NOL10: variants seen among roughly 807,000 people sequenced by gnomAD.
NOL10 encodes the protein H_NH0074G24.1.
NOL10 carries 58 observed loss-of-function variants against 103.5 expected under a neutral mutation model. That is an observed-to-expected ratio of 0.56 (90% CI 0.45 to 0.70). The LOEUF is 0.70. NOL10 is among the 30% of genes least tolerant of loss of function. NOL10 has a pLI of 0.00. For missense variants in NOL10, 763 were observed against 807.3 expected, an observed-to-expected ratio of 0.95 and a Z score of 0.67; for synonymous variants, 287 against 282.5, an observed-to-expected ratio of 1.02 and a Z score of -0.16.
At chr2:10,592,454 C>T (rs1481773837) in intron 17 of NOL10, among the ~76,000 whole-genome samples, 3 of 152,088 alleles carry the variant, frequency 2.0e-5, no homozygotes, top group South Asian at 2.1e-4. Context: ...AGACGGACAC[C>T]ACTAGGTGTC....
chr2:10,589,309 A>G lies in NOL10; in HGVS notation c.1597-19T>C. 1 of 1,611,738 alleles carries G rather than the reference A, an allele frequency of 6.2e-7. No individual in the cohort carries two copies. The highest frequency in any genetic ancestry group is 8.5e-7 in the Non-Finnish European group (1 of 1,179,576). On this transcript the variant is annotated intron_variant, in intron 18 of 20. Transcript: ENST00000381685. Reference sequence around the variant, plus strand: ...CCTCTTCCTGAGAATAAAAATAGTAAGCAGCAACTCCTTTCCCCCAGTCAA... The same window carrying G: ...CCTCTTCCTGAGAATAAAAATAGTAGGCAGCAACTCCTTTCCCCCAGTCAA...
Position 10,667,274 on chromosome 2 carries a change from TCTCC to T in NOL10, c.531_534del (p.Glu178IlefsTer6). ...ACTGAATTTATGTCACAAACATTAT[TCTCC>T]CTAACACAGGAAAGCAGTAAGAAAG... is the stretch of plus-strand genomic sequence containing the variant. On this transcript the variant is annotated frameshift_variant and splice_region_variant, in exon 8 of 21. Coordinates refer to ENST00000381685, the MANE Select transcript of NOL10 (RefSeq NM_024894.4). LOFTEE classifies it high-confidence loss of function. The T allele has an allele frequency of 6.3e-7, 1 of 1,582,560 alleles. No homozygotes were observed. The highest frequency in any genetic ancestry group is 8.6e-7 in the Non-Finnish European group (1 of 1,162,604).
At chr2:10,601,124 C>T (rs1052378554) in intron 16 of NOL10, among the ~76,000 whole-genome samples, 182 bp from the exon 17 acceptor site, 1 of 151,600 alleles carries the variant, frequency 6.6e-6, no homozygotes, top group African/African-American at 2.4e-5. Context: ...AGTGCAGGGG[C>T]GCAATCTCAG....
At chr2:10,595,390 A>C (rs1650690568) in intron 17 of NOL10, among the ~76,000 whole-genome samples, 1 of 152,080 alleles carries the variant, frequency 6.6e-6, no homozygotes, top group African/African-American at 2.4e-5. Context: ...ACCATGGCTA[A>C]CTGCGGCCTT....
chr2:10,596,694 T>A (rs552615239), intron 17 of NOL10, among the ~76,000 whole-genome samples: 4 of 152,156 alleles, frequency 2.6e-5, no homozygotes, highest in Non-Finnish European at 5.9e-5. Context: ...TACCATGGCC[T>A]AGGGGTTGGA....
chr2:10,631,056 T>G (rs1219226408), intron 13 of NOL10, among the ~76,000 whole-genome samples: 1 of 152,214 alleles, frequency 6.6e-6, no homozygotes, highest in Non-Finnish European at 1.5e-5. Flanking sequence ...GTATGTCTAA[T>G]AGGGCTCTGC....
At chr2:10,575,668 A>G (rs563687470) in intron 20 of NOL10, among the ~76,000 whole-genome samples, 3 of 152,292 alleles carry the variant, frequency 2.0e-5, no homozygotes, top group African/African-American at 7.2e-5. Flanking sequence ...AAACAGTGGG[A>G]AAAGGCTTGT....
At chr2:10,661,867 T>TA (rs1394676138) in intron 9 of NOL10, among the ~76,000 whole-genome samples, 112 of 147,490 alleles carry the variant, frequency 7.6e-4, no homozygotes, top group Non-Finnish European at 1.2e-3. Flanking sequence ...AGCTAAGCAT[T>TA]AAAAAAAAAT....
chr2:10,579,731 T>C (rs1445545544), intron 19 of NOL10, among the ~76,000 whole-genome samples: 3 of 152,148 alleles, frequency 2.0e-5, no homozygotes, highest in Non-Finnish European at 4.4e-5. Context: ...GCTGTGCCTA[T>C]GGAGTAGCCA....
Position 10,587,102 on chromosome 2 carries a change from T to C in NOL10, c.1844+1941A>G, listed in dbSNP as rs1468447107. ...ACATATATATACATATATATACACATATATATACATATATATACATATATA... is the reference window on the plus strand; with the variant it reads ...ACATATATATACATATATATACACACATATATACATATATATACATATATA... On this transcript the variant is annotated intron_variant, in intron 19 of 20. Coordinates refer to ENST00000381685, the MANE Select transcript of NOL10 (RefSeq NM_024894.4). Among the ~76,000 whole-genome samples the C allele has an allele frequency of 2.1e-3, 84 of 40,260 alleles. 11 individuals are homozygous for C. Among genetic ancestry groups the C allele is most frequent in the African/African-American group, 0.01 (76 of 7,320 alleles). The allele number at this position is 40,260 out of a possible 152,430, so 26.4% of individuals were successfully genotyped here. A position where few individuals can be genotyped will look rare whatever the true frequency, so the allele number is the denominator to read the frequency against.
intron 6 of NOL10, 47 bp downstream of exon 6, chr2:10,671,507 G>C (rs775369040): frequency 3.6e-6 from 5 of 1,403,014 alleles, no homozygotes; most frequent in Non-Finnish European, 3.7e-6. Context: ...AACAGAAGTT[G>C]GTTGTTTTAG....
At chr2:10,627,457 C>T (rs542149263) in intron 13 of NOL10, among the ~76,000 whole-genome samples, 1 of 152,172 alleles carries the variant, frequency 6.6e-6, no homozygotes, top group African/African-American at 2.4e-5. Context: ...GAGCAGATCA[C>T]GAGGTCAGGA....
intron 17 of NOL10, among the ~76,000 whole-genome samples, 190 bp from the exon 18 acceptor site, chr2:10,589,941 A>C (rs542726455): frequency 6.6e-6 from 1 of 152,148 alleles, no homozygotes; most frequent in Non-Finnish European, 1.5e-5. Flanking sequence ...CCACCAAAAC[A>C]ACCTCTATTA....
In NOL10 at chr2:10,681,978, T is replaced by C; in HGVS notation, c.204A>G (p.Leu68=). The C allele has an allele frequency of 2.8e-6, 4 of 1,416,376 alleles. No homozygotes were observed. The highest frequency in any genetic ancestry group is 4.7e-5 in the Admixed American group (2 of 42,934). The allele number at this position is 1,416,376 out of a possible 1,614,324, so 87.7% of individuals were successfully genotyped here. A position where few individuals can be genotyped will look rare whatever the true frequency, so the allele number is the denominator to read the frequency against. Residue 68 remains leucine, a synonymous_variant, in exon 3 of 21, where the codon TTA becomes TTG. Transcript: ENST00000381685. ...AACCAAAAAGATGCTTACCAGTTGC[T>C]AAAATGTACTGTCCATCTTTTGACA... The part of the protein sequence containing the change: ...IKVSKDGQYI[L]ATGTYKPRVR...
intron 1 of NOL10, among the ~76,000 whole-genome samples, chr2:10,689,524 T>C (rs1351903042): frequency 2.0e-5 from 3 of 152,202 alleles, no homozygotes; most frequent in Non-Finnish European, 4.4e-5. Flanking sequence ...ATGGTTGCGT[T>C]CTCTGGAACA....
At chr2:10,595,718 C>A (rs990308538) in intron 17 of NOL10, among the ~76,000 whole-genome samples, 21 of 152,040 alleles carry the variant, frequency 1.4e-4, no homozygotes, top group African/African-American at 5.1e-4. Context: ...AATTCTCCTG[C>A]CTCAGCCTCC....
rs1486994227 is a variant in NOL10, at chr2:10,675,756, A to C, written c.289+38T>G. On this transcript the variant is annotated intron_variant, in intron 4 of 20. Transcript: ENST00000381685. Reference sequence around the variant, plus strand: ...AACCAGAAAAGCAGACAACATAAAAAGCCATTTTCATGAATTCAAATTTAG... The same window carrying C: ...AACCAGAAAAGCAGACAACATAAAACGCCATTTTCATGAATTCAAATTTAG... 2.5e-6 allele frequency: 3 copies of C among 1,198,272 alleles called. No homozygotes were observed. The African/African-American group carries it at 4.6e-5, about 18-fold the overall frequency. 74.2% of individuals were successfully genotyped at this position (1,198,272 alleles called of 1,614,324 possible).
intron 13 of NOL10, among the ~76,000 whole-genome samples, chr2:10,633,696 G>A (rs924798539): frequency 6.6e-6 from 1 of 151,930 alleles, no homozygotes; most frequent in Non-Finnish European, 1.5e-5. Context: ...TTTCTATTAT[G>A]TAAGACTTTT....
chr2:10,622,818 C>T (rs908998621), intron 13 of NOL10, among the ~76,000 whole-genome samples: 2 of 152,114 alleles, frequency 1.3e-5, no homozygotes, highest in African/African-American at 4.8e-5. Context: ...TCAAAACTCC[C>T]TCCCAGGAAG....
Sources: allele counts gnomAD v4.1 joint callset (sites outside exome capture counted in the v4.1 genomes callset), GRCh38; gene constraint gnomAD v4.1.1; transcripts MANE v1.5; gene names NCBI Gene and HGNC (gene_info 2026-07-23, HGNC 2026-07-21).